The following SAMD3 variants were observed in gnomAD, a reference collection of about 807,000 sequenced individuals.
The protein encoded by SAMD3 is sterile alpha motif domain-containing protein 3.
In SAMD3, 63 loss-of-function variants were observed where a neutral mutation model predicts 58.5. The observed-to-expected ratio is 1.08, with a 90% CI of 0.88 to 1.33. The LOEUF (loss-of-function observed/expected upper bound fraction) is 1.33. Among genes scored for constraint, SAMD3 ranks in the 40% most tolerant of loss-of-function variants. The pLI is 0.00. For synonymous variants in SAMD3, 220 were observed against 210.3 expected, an observed-to-expected ratio of 1.05 and a Z score of -0.40; for missense variants, 604 against 608.4, an observed-to-expected ratio of 0.99 and a Z score of 0.08.
At chr6:130,197,108 T>G (rs902574868) in intron 5 of SAMD3, among the ~76,000 whole-genome samples, 7 of 152,168 alleles carry the variant, frequency 4.6e-5, no homozygotes, top group African/African-American at 1.7e-4. Context: ...GGACAATACT[T>G]TTACTACTTT....
intron 1 of SAMD3, among the ~76,000 whole-genome samples, chr6:130,344,467 C>T (rs151334371): frequency 6.6e-5 from 10 of 152,246 alleles, no homozygotes; most frequent in South Asian, 2.1e-4. Context: ...CTGCAACCTC[C>T]GCCTCCCAGG....
chr6:130,161,882 C>T (rs566571978), intron 8 of SAMD3: 1 of 177,706 alleles, frequency 5.6e-6, no homozygotes, highest in Non-Finnish European at 1.2e-5. Flanking sequence ...TCTTACAGAA[C>T]AGCAGCTGGA....
intron 5 of SAMD3, among the ~76,000 whole-genome samples, chr6:130,205,140 G>A: frequency 7.5e-6 from 1 of 134,094 alleles, no homozygotes; most frequent in East Asian, 2.1e-4. Flanking sequence ...ATAGAGCCCT[G>A]GAGTTTGGCT....
At chr6:130,202,028 A>C (rs976001511) in intron 5 of SAMD3, among the ~76,000 whole-genome samples, 1 of 152,210 alleles carries the variant, frequency 6.6e-6, no homozygotes, top group African/African-American at 2.4e-5. Context: ...CCATGTCTAC[A>C]TAGTACCTAG....
At chr6:130,261,384 T>C (rs1402690558) in intron 2 of SAMD3, among the ~76,000 whole-genome samples, 1 of 152,014 alleles carries the variant, frequency 6.6e-6, no homozygotes, top group Non-Finnish European at 1.5e-5. Flanking sequence ...CTTGGGAACT[T>C]GCCTACTCCA....
chr6:130,174,278 G>T (rs968542464), intron 8 of SAMD3, among the ~76,000 whole-genome samples: 7 of 152,182 alleles, frequency 4.6e-5, no homozygotes, highest in African/African-American at 1.7e-4. Context: ...ACCCAATTTT[G>T]TGCTTGAAAC....
At chr6:130,151,091 C>T (rs552792768) in intron 9 of SAMD3, among the ~76,000 whole-genome samples, 79 of 151,032 alleles carry the variant, frequency 5.2e-4, no homozygotes, top group Admixed American at 1.8e-3. Flanking sequence ...AGACTTCGGC[C>T]CAGCCCACTT....
intron 1 of SAMD3, among the ~76,000 whole-genome samples, chr6:130,219,703 A>T (rs1488984462): frequency 7.9e-5 from 12 of 152,212 alleles, no homozygotes; most frequent in Non-Finnish European, 1.8e-4. Context: ...TATCGTATAT[A>T]TACCACAGTT....
chr6:130,224,326 C>A (rs1229189897), upstream of SAMD3, among the ~76,000 whole-genome samples: 1 of 151,962 alleles, frequency 6.6e-6, no homozygotes, highest in Non-Finnish European at 1.5e-5. Flanking sequence ...GGCGTGAAAA[C>A]AGGAGTGCCT....
At position 130,146,950 on chromosome 6, in the gene SAMD3, G is replaced by C. The variant is rs564895884; in HGVS notation, c.1024-769C>G. Among the ~76,000 whole-genome samples, 129 of 152,088 alleles carry C rather than the reference G, an allele frequency of 8.5e-4. 1 individual carries two copies. Among genetic ancestry groups the C allele is most frequent in the Admixed American group, 2.8e-3 (42 of 15,242 alleles). Reference sequence around the variant, plus strand: ...GACTGTGCCACTGCACTCCAGCCTGGGCAACGTAGTGAGACCCTGTCTCAA... The same window carrying C: ...GACTGTGCCACTGCACTCCAGCCTGCGCAACGTAGTGAGACCCTGTCTCAA... On this transcript the variant is annotated intron_variant, in intron 9 of 11. Transcript: ENST00000439090.
At chr6:130,242,153 C>G (rs568023954) in intron 2 of SAMD3, among the ~76,000 whole-genome samples, 3 of 152,262 alleles carry the variant, frequency 2.0e-5, no homozygotes, top group African/African-American at 7.2e-5. Flanking sequence ...ATATTATAAC[C>G]TTTTAATGCA....
At chr6:130,155,647 A>G (rs1789708349) in intron 8 of SAMD3, among the ~76,000 whole-genome samples, 1 of 152,212 alleles carries the variant, frequency 6.6e-6, no homozygotes, top group Non-Finnish European at 1.5e-5. Context: ...TAGAAATATG[A>G]GTTAAGAGGA....
intron 9 of SAMD3, 103 bp downstream of exon 9, chr6:130,154,707 AAAAAAAAAAAAATAT>A (rs1411336408): frequency 1.0e-3 from 146 of 139,246 alleles, no homozygotes; most frequent in African/African-American, 5.0e-3. Flanking sequence ...AAAAAAAAAA[AAAAAAAAAAAAATAT>A]ATATATATAT....
chr6:130,216,400 G>A (rs1431114623), intron 2 of SAMD3, among the ~76,000 whole-genome samples, 171 bp downstream of exon 2: 1 of 152,166 alleles, frequency 6.6e-6, no homozygotes, highest in South Asian at 2.1e-4. Flanking sequence ...GCTACTCTTG[G>A]AGAAATGGAA....
chr6:130,186,244 C>A (rs1792948665), intron 5 of SAMD3, among the ~76,000 whole-genome samples: 1 of 152,018 alleles, frequency 6.6e-6, no homozygotes, highest in Non-Finnish European at 1.5e-5. Flanking sequence ...ACCATGGAAC[C>A]TTTAGTGGCC....
At chr6:130,211,485 T>C (rs969490749) in intron 4 of SAMD3, among the ~76,000 whole-genome samples, 11 of 152,008 alleles carry the variant, frequency 7.2e-5, no homozygotes, top group African/African-American at 2.4e-4. Flanking sequence ...GGTTTCACCA[T>C]GTTGGTCAGG....
At chr6:130,346,655 CG>C (rs1476174284) in intron 1 of SAMD3, among the ~76,000 whole-genome samples, 4 of 152,320 alleles carry the variant, frequency 2.6e-5, no homozygotes, top group Non-Finnish European at 5.9e-5. Flanking sequence ...CTCTGGGGGC[CG>C]GGCATAGCCA....
At chr6:130,344,212 G>T (rs1372784520) in intron 1 of SAMD3, among the ~76,000 whole-genome samples, 2 of 152,186 alleles carry the variant, frequency 1.3e-5, no homozygotes, top group African/African-American at 2.4e-5. Flanking sequence ...AAGAACAGCT[G>T]CTAACATTTT....
chr6:130,230,401 T>C (rs1281703681), intron 2 of SAMD3, among the ~76,000 whole-genome samples: 1 of 152,160 alleles, frequency 6.6e-6, no homozygotes, highest in Non-Finnish European at 1.5e-5. Flanking sequence ...TTTTTTTTCT[T>C]TTTTTAGACG....
Sources: allele counts gnomAD v4.1 joint callset (sites outside exome capture counted in the v4.1 genomes callset), GRCh38; gene constraint gnomAD v4.1.1; transcripts MANE v1.5; gene names NCBI Gene and HGNC (gene_info 2026-07-23, HGNC 2026-07-21).